UBTD2: variants seen among roughly 807,000 people sequenced by gnomAD.
The protein encoded by UBTD2 is ubiquitin domain-containing protein 2.
UBTD2 carries 9 observed loss-of-function variants against 19.8 expected under a neutral mutation model. The ratio of observed to expected loss-of-function variants is 0.46; its 90% CI spans 0.27 to 0.79. The LOEUF (loss-of-function observed/expected upper bound fraction) is 0.79, where lower values mean the gene tolerates loss of function less well. UBTD2 is among the 30% of genes least tolerant of loss of function. The pLI is 0.14. For synonymous variants in UBTD2, 98 were observed against 103.9 expected (o/e 0.94, Z 0.35); for missense variants, 250 against 300.4 (o/e 0.83, Z 1.24).
chr5:172,265,486 C>T (rs544641524), intron 1 of UBTD2, among the ~76,000 whole-genome samples: 1 of 152,222 alleles, frequency 6.6e-6, no homozygotes, highest in East Asian at 1.9e-4. Flanking sequence ...AGGCGCCCAC[C>T]ACCCCGGCTA....
At chr5:172,245,740 C>A (rs1445223985) in intron 1 of UBTD2, among the ~76,000 whole-genome samples, 1 of 151,424 alleles carries the variant, frequency 6.6e-6, no homozygotes, top group Non-Finnish European at 1.5e-5. Context: ...GAAATGAATT[C>A]TGATATAAAC....
chr5:172,267,728 CAAAAT>C (rs1489806207), intron 1 of UBTD2, among the ~76,000 whole-genome samples: 2 of 151,888 alleles, frequency 1.3e-5, no homozygotes, highest in Non-Finnish European at 2.9e-5. Flanking sequence ...TCCACACCAT[CAAAAT>C]AAAATATAAA....
At chr5:172,276,346 C>T (rs769985997) in intron 1 of UBTD2, among the ~76,000 whole-genome samples, 7 of 152,210 alleles carry the variant, frequency 4.6e-5, no homozygotes, top group Non-Finnish European at 8.8e-5. Flanking sequence ...TAACATCCTA[C>T]GCAATACCTG....
chr5:172,236,318 G>A (rs1020847212), intron 1 of UBTD2, among the ~76,000 whole-genome samples: 2 of 152,210 alleles, frequency 1.3e-5, no homozygotes, highest in Non-Finnish European at 2.9e-5. Context: ...TAGCAGAGCT[G>A]GAAACAGAAT....
intron 2 of UBTD2, among the ~76,000 whole-genome samples, chr5:172,227,695 C>CT (rs1164255222): frequency 0.012 from 830 of 72,154 alleles, 44 homozygotes; most frequent in East Asian, 0.059. Flanking sequence ...ATGAAAAATT[C>CT]TTTTTTTTTT....
At chr5:172,224,111 A>G (rs978796013) in intron 2 of UBTD2, among the ~76,000 whole-genome samples, 2 of 152,046 alleles carry the variant, frequency 1.3e-5, no homozygotes, top group Non-Finnish European at 2.9e-5. Context: ...GAAAAAAATG[A>G]GGCAACAGAA....
intron 1 of UBTD2, among the ~76,000 whole-genome samples, chr5:172,272,311 A>C (rs1347219725): frequency 6.6e-6 from 1 of 152,178 alleles, no homozygotes; most frequent in Non-Finnish European, 1.5e-5. Flanking sequence ...CTTTAAGTAC[A>C]TATGCATTAG....
intron 2 of UBTD2, among the ~76,000 whole-genome samples, chr5:172,217,437 G>C (rs1161241650): frequency 7.1e-6 from 1 of 141,842 alleles, no homozygotes; most frequent in Non-Finnish European, 1.5e-5. Context: ...AAAAAAAAAA[G>C]AAAGAAAGAA....
intron 1 of UBTD2, among the ~76,000 whole-genome samples, chr5:172,271,307 T>G (rs1395268021): frequency 3.9e-5 from 6 of 151,920 alleles, no homozygotes; most frequent in Non-Finnish European, 8.8e-5. Flanking sequence ...CAGGCGCTTG[T>G]AGTCCCAGCT....
At position 172,283,247 on chromosome 5, in the gene UBTD2, C is replaced by T. The variant is rs1056935377; in HGVS notation, c.70+349G>A. 1.3e-5 allele frequency among the ~76,000 whole-genome samples: 2 copies of T among 152,184 alleles called. No homozygotes were observed. The highest frequency in any genetic ancestry group is 4.8e-5 in the African/African-American group (2 of 41,450). On this transcript the variant is annotated intron_variant, in intron 1 of 2. Transcript: ENST00000393792. This position sits in a 1 kb window ranked among gnomAD's most constrained non-coding sequence, Gnocchi z 4.3. ...CTCCCCCCGCCATCAATTCGCTTTT[C>T]TGCAACCCCGGCGCCGCCATCCTGA... is the stretch of plus-strand genomic sequence containing the variant.
rs1278310924 is a variant in UBTD2 at position 172,210,745 on chromosome 5, A to T, written c.*1085T>A. ...CACCAGTAAATCTTTCACACTTAAA[A>T]ATTTTGAGTTGAAATTTCCTCTAAA... On this transcript the variant is annotated 3_prime_UTR_variant, in exon 3 of 3. Transcript: ENST00000393792. 1 of 152,132 alleles carries T rather than the reference A, an allele frequency of 6.6e-6. No homozygotes were observed. The highest frequency in any genetic ancestry group is 1.5e-5 in the Non-Finnish European group (1 of 68,020). The allele number at this position is 152,132 out of a possible 1,614,324, so 9.4% of individuals were successfully genotyped here. A position where few individuals can be genotyped will look rare whatever the true frequency, so the allele number is the denominator to read the frequency against.
chr5:172,254,424 C>T (rs189181150), intron 1 of UBTD2: 41 of 397,086 alleles, frequency 1.0e-4, no homozygotes, highest in Middle Eastern at 5.5e-4. Context: ...ATGGTTGGGA[C>T]GGGAAAAGCT....
chr5:172,239,268 A>C (rs757766479), intron 1 of UBTD2, among the ~76,000 whole-genome samples: 65 of 152,190 alleles, frequency 4.3e-4, no homozygotes, highest in Admixed American at 8.5e-4. Context: ...ATCACCCCGT[A>C]CTAGAACACA....
intron 2 of UBTD2, among the ~76,000 whole-genome samples, chr5:172,221,413 G>T (rs918391575): frequency 6.6e-6 from 1 of 152,156 alleles, no homozygotes; most frequent in African/African-American, 2.4e-5. Flanking sequence ...ACTGAGGAAG[G>T]ACTGCTTGAG....
rs192472510 is a variant in UBTD2, at chr5:172,279,185, G to C, written c.70+4411C>G. On this transcript the variant is annotated intron_variant, in intron 1 of 2. Coordinates refer to ENST00000393792, the MANE Select transcript of UBTD2 (RefSeq NM_152277.3). ...GACTGCCAGTTATAAGCTATGTGATGATGAGCAAGTTATTAAAGGTTGGTG... is the reference window on the plus strand; with the variant it reads ...GACTGCCAGTTATAAGCTATGTGATCATGAGCAAGTTATTAAAGGTTGGTG... 6.6e-3 allele frequency among the ~76,000 whole-genome samples: 1,000 copies of C among 152,316 alleles called. 7 individuals carry two copies. Among genetic ancestry groups the C allele is most frequent in the Non-Finnish European group, 9.4e-3 (637 of 68,026 alleles).
intron 1 of UBTD2, among the ~76,000 whole-genome samples, chr5:172,256,320 T>A (rs1199821083): frequency 2.0e-5 from 3 of 152,038 alleles, no homozygotes; most frequent in Non-Finnish European, 4.4e-5. Context: ...ACCTTAAGTC[T>A]GAAAAGGTAT....
intron 2 of UBTD2, among the ~76,000 whole-genome samples, chr5:172,232,186 T>G (rs961658087): frequency 6.6e-5 from 10 of 152,018 alleles, no homozygotes; most frequent in African/African-American, 2.4e-4. Flanking sequence ...GGCATGAAAA[T>G]TGCTTGAACC....
chr5:172,282,064 A>G (rs1160955675), intron 1 of UBTD2, among the ~76,000 whole-genome samples: 1 of 152,262 alleles, frequency 6.6e-6, no homozygotes, highest in East Asian at 1.9e-4. Flanking sequence ...CATTACGGAG[A>G]AGAGCAAAAT....
chr5:172,229,276 G>A (rs1477063766), intron 2 of UBTD2, among the ~76,000 whole-genome samples: 2 of 151,608 alleles, frequency 1.3e-5, no homozygotes, highest in Non-Finnish European at 3.0e-5. Context: ...CGAGGCGGGT[G>A]GATCACAAGG....
Sources: gnomAD v4.1 joint callset for allele counts (sites outside exome capture counted in the v4.1 genomes callset) on GRCh38, gnomAD v4.1.1 for gene constraint, Gnocchi (gnomAD v3.1) non-coding constraint, MANE v1.5 for transcripts, NCBI Gene and HGNC (gene_info 2026-07-23, HGNC 2026-07-21) for gene names.